SIK3: variants seen among roughly 807,000 people sequenced by gnomAD.
SIK3 encodes serine/threonine-protein kinase SIK3.
SIK3 carries 28 observed loss-of-function variants against 144.2 expected under a neutral mutation model. That is an observed-to-expected ratio of 0.19 (90% CI 0.14 to 0.27). The LOEUF is 0.27. Ranked by LOEUF, SIK3 falls within the 10% of genes least tolerant of loss-of-function variation. The pLI is 1.00. For missense variants in SIK3, 1,319 were observed against 1,776.0 expected, an observed-to-expected ratio of 0.74 and a Z score of 4.62; for synonymous variants, 686 against 676.3, an observed-to-expected ratio of 1.01 and a Z score of -0.22.
intron 9 of SIK3, 47 bp from the exon 10 acceptor site, chr11:116,875,498 A>T: frequency 1.9e-6 from 3 of 1,562,518 alleles, no homozygotes; most frequent in Non-Finnish European, 2.6e-6. Flanking sequence ...AACACTAGAG[A>T]GAAATAATGA....
intron 19 of SIK3, among the ~76,000 whole-genome samples, chr11:116,859,997 C>T (rs1204295500): frequency 3.9e-5 from 6 of 152,192 alleles, no homozygotes; most frequent in African/African-American, 1.4e-4. Context: ...CCTGTAATCC[C>T]AGCACTTGGG....
chr11:117,019,344 T>C (rs1320560711), intron 1 of SIK3, among the ~76,000 whole-genome samples: 1 of 152,108 alleles, frequency 6.6e-6, no homozygotes, highest in Non-Finnish European at 1.5e-5. Context: ...TTTTTTTCAA[T>C]TGTAACATTT....
chr11:116,965,044 G>A (rs1186183180), intron 1 of SIK3, among the ~76,000 whole-genome samples: 1 of 152,138 alleles, frequency 6.6e-6, no homozygotes, highest in Non-Finnish European at 1.5e-5. Flanking sequence ...AAAGTTTACT[G>A]AAAGTGGGAA....
intron 6 of SIK3, among the ~76,000 whole-genome samples, chr11:116,894,352 T>C (rs554562618): frequency 6.6e-6 from 1 of 152,318 alleles, no homozygotes; most frequent in African/African-American, 2.4e-5. Context: ...CAACCCAGAA[T>C]TCTCTCCTAA....
chr11:117,049,004 G>A (rs752618242), intron 1 of SIK3, among the ~76,000 whole-genome samples: 1 of 152,162 alleles, frequency 6.6e-6, no homozygotes, highest in Non-Finnish European at 1.5e-5. Context: ...AGGAGGCTGA[G>A]GCAGGAGAAT....
At chr11:116,881,641 G>C (rs1008388834) in intron 6 of SIK3, among the ~76,000 whole-genome samples, 3 of 151,998 alleles carry the variant, frequency 2.0e-5, no homozygotes, top group Non-Finnish European at 4.4e-5. Context: ...AAGCCGTGTG[G>C]ATTTGACTGA....
chr11:117,056,325 T>A (rs1390044269), intron 1 of SIK3, among the ~76,000 whole-genome samples: 2 of 151,776 alleles, frequency 1.3e-5, no homozygotes, highest in African/African-American at 4.8e-5. Context: ...AACTGAACAA[T>A]GAGAACACTC....
At chr11:116,995,250 G>C (rs1329190119) in intron 1 of SIK3, among the ~76,000 whole-genome samples, 1 of 136,546 alleles carries the variant, frequency 7.3e-6, no homozygotes, top group African/African-American at 2.8e-5. Context: ...CTAGGCGACA[G>C]AGCAAGACTC....
At chr11:116,935,638 A>G (rs1048706546) in intron 3 of SIK3, among the ~76,000 whole-genome samples, 2 of 152,344 alleles carry the variant, frequency 1.3e-5, no homozygotes, top group Non-Finnish European at 2.9e-5. Context: ...AATGTTTCTC[A>G]TGCTACACCA....
In SIK3 at chr11:116,964,430, T is replaced by G. The variant is rs181598182; in HGVS notation, c.274-7366A>C. Among the ~76,000 whole-genome samples, 18 of 152,256 alleles carry G rather than the reference T, an allele frequency of 1.2e-4. No individual in the cohort carries two copies. In the East Asian group the frequency reaches 3.5e-3, roughly 29 times the overall value. ...ATTCATTATACACACCAATCACAAC[T>G]GTTTCTGGGAAAATATGCAGCTGTC... is the stretch of plus-strand genomic sequence containing the variant. On this transcript the variant is annotated intron_variant, in intron 1 of 24. Transcript: ENST00000445177.
At chr11:116,897,103 T>C in intron 5 of SIK3, 90 bp downstream of exon 5, 1 of 1,305,762 alleles carries the variant, frequency 7.7e-7, no homozygotes, top group African/African-American at 1.5e-5. Flanking sequence ...CAATTCATGT[T>C]GCATCATTAT....
At position 116,849,360 on chromosome 11, in the gene SIK3, T is replaced by G; in HGVS notation, c.3656-77A>C. 2.9e-5 allele frequency: 45 copies of G among 1,569,074 alleles called. No homozygotes were observed. Among genetic ancestry groups the G allele is most frequent in the Non-Finnish European group, 3.7e-5 (42 of 1,146,562 alleles). ...TGGAAACTCCCATCCAAGAAATGTCTTGCAAGGGACAATGGGCAAGGCTGA... is the reference window on the plus strand; with the variant it reads ...TGGAAACTCCCATCCAAGAAATGTCGTGCAAGGGACAATGGGCAAGGCTGA... On this transcript the variant is annotated intron_variant, in intron 21 of 24. Transcript: ENST00000445177. The surrounding 1 kb of genome is among the most constrained non-coding windows in gnomAD (Gnocchi z 4.2).
intron 4 of SIK3, among the ~76,000 whole-genome samples, chr11:116,923,616 C>T (rs915280952): frequency 2.2e-4 from 33 of 152,298 alleles, no homozygotes; most frequent in African/African-American, 7.5e-4. Flanking sequence ...ACTGCATGAG[C>T]AAAGCTAATG....
At chr11:117,038,904 G>A (rs1333297857) in intron 1 of SIK3, among the ~76,000 whole-genome samples, 1 of 151,814 alleles carries the variant, frequency 6.6e-6, no homozygotes, top group East Asian at 2.0e-4. Flanking sequence ...ACAAAAATTA[G>A]CCAGGCATGG....
chr11:116,993,034 T>C (rs1176924554), intron 1 of SIK3, among the ~76,000 whole-genome samples: 1 of 152,086 alleles, frequency 6.6e-6, no homozygotes, highest in East Asian at 1.9e-4. Context: ...AAACAGATTT[T>C]TATTTTATTT....
chr11:116,969,842 T>G (rs571752883), intron 1 of SIK3, among the ~76,000 whole-genome samples: 9 of 152,316 alleles, frequency 5.9e-5, no homozygotes, highest in Admixed American at 2.0e-4. Flanking sequence ...GAAATCACTG[T>G]GACAGCAAAA....
At chr11:116,917,889 T>C (rs993032937) in intron 4 of SIK3, among the ~76,000 whole-genome samples, 1 of 93,534 alleles carries the variant, frequency 1.1e-5, no homozygotes, top group African/African-American at 5.3e-5. Flanking sequence ...AAACAAACTA[T>C]AGCTTAAGTG....
At chr11:117,041,501 T>G (rs1266892961) in intron 1 of SIK3, among the ~76,000 whole-genome samples, 1 of 152,200 alleles carries the variant, frequency 6.6e-6, no homozygotes, top group Non-Finnish European at 1.5e-5. Flanking sequence ...CCTAATATAT[T>G]TAAGCAATGA....
At chr11:116,947,746 T>C (rs1948743192) in intron 3 of SIK3, among the ~76,000 whole-genome samples, 1 of 151,768 alleles carries the variant, frequency 6.6e-6, no homozygotes, top group African/African-American at 2.4e-5. Flanking sequence ...TTTGTATTTT[T>C]AGTAGAGACG....
Sources: allele counts gnomAD v4.1 joint callset (sites outside exome capture counted in the v4.1 genomes callset), GRCh38; gene constraint gnomAD v4.1.1; non-coding constraint Gnocchi (gnomAD v3.1); transcripts MANE v1.5; gene names NCBI Gene and HGNC (gene_info 2026-07-23, HGNC 2026-07-21).